The following COA1 variants were observed in gnomAD, a reference collection of about 807,000 sequenced individuals.
COA1 encodes cytochrome c oxidase assembly factor 1, also known as cytochrome c oxidase assembly factor 1 homolog.
In COA1, 13 loss-of-function variants were observed where a neutral mutation model predicts 16.0. The ratio of observed to expected loss-of-function variants is 0.81; its 90% CI spans 0.53 to 1.29. The LOEUF is 1.29. Among genes scored for constraint, COA1 ranks in the 50% most tolerant of loss-of-function variants. The probability of loss-of-function intolerance (pLI) is 0.00; values close to 1 mark genes in which losing one functional copy is unlikely to be tolerated. For synonymous variants in COA1, 65 were observed against 65.7 expected (o/e 0.99, Z 0.05); for missense variants, 179 against 177.0 (o/e 1.01, Z -0.06).
intron 1 of COA1, among the ~76,000 whole-genome samples, chr7:43,702,345 T>G (rs1439166252): frequency 6.6e-6 from 1 of 152,180 alleles, no homozygotes; most frequent in Non-Finnish European, 1.5e-5. Flanking sequence ...ATCTATTGAA[T>G]AGGGGACTCT....
chr7:43,675,079 T>C (rs2093449006), intron 1 of COA1, among the ~76,000 whole-genome samples: 1 of 152,178 alleles, frequency 6.6e-6, no homozygotes, highest in African/African-American at 2.4e-5. Context: ...TGTCAGGCTA[T>C]AGAATAAATA....
intron 5 of COA1, 113 bp downstream of exon 5, chr7:43,640,460 A>C (rs896753178): frequency 4.9e-6 from 4 of 821,388 alleles, no homozygotes; most frequent in Non-Finnish European, 7.9e-6. Context: ...AGCTTGAAAA[A>C]TAATTCTTCC....
chr7:43,630,334 T>C (rs2085049125), intron 6 of COA1, among the ~76,000 whole-genome samples: 1 of 152,234 alleles, frequency 6.6e-6, no homozygotes, highest in Non-Finnish European at 1.5e-5. Context: ...GTGGAGATTT[T>C]ATTTACTAAA....
intron 1 of COA1, among the ~76,000 whole-genome samples, chr7:43,691,322 A>AG: frequency 9.3e-6 from 1 of 107,980 alleles, no homozygotes; most frequent in Non-Finnish European, 2.0e-5. Context: ...AGAAAGAAAG[A>AG]AAGAAAGAGA....
At chr7:43,674,044 G>C (rs1260000670) in intron 1 of COA1, among the ~76,000 whole-genome samples, 1 of 152,192 alleles carries the variant, frequency 6.6e-6, no homozygotes, top group East Asian at 1.9e-4. Flanking sequence ...CTACCTATCA[G>C]GTTCTATGCT....
chr7:43,619,626 T>G, intron 6 of COA1: 1 of 1,614,012 alleles, frequency 6.2e-7, no homozygotes, highest in Non-Finnish European at 8.5e-7. Context: ...CAAGTGAATC[T>G]CCATTGGGTG....
At chr7:43,630,830 C>G (rs1443616051) in intron 6 of COA1, among the ~76,000 whole-genome samples, 1 of 152,202 alleles carries the variant, frequency 6.6e-6, no homozygotes, top group East Asian at 1.9e-4. Flanking sequence ...ATATAAAGAT[C>G]TGTTGATATC....
intron 6 of COA1, among the ~76,000 whole-genome samples, chr7:43,612,373 C>G (rs1209900901): frequency 6.6e-6 from 1 of 152,178 alleles, no homozygotes; most frequent in Non-Finnish European, 1.5e-5. Flanking sequence ...TTCCAATTGG[C>G]CTCTGTGAGT....
chr7:43,668,333 T>C (rs1481481571), intron 1 of COA1, among the ~76,000 whole-genome samples: 2 of 152,234 alleles, frequency 1.3e-5, no homozygotes, highest in Non-Finnish European at 2.9e-5. Flanking sequence ...TTTAAAGGTC[T>C]TATCTGAGAT....
chr7:43,725,303 A>C (rs1389546237), intron 1 of COA1, among the ~76,000 whole-genome samples: 1 of 152,226 alleles, frequency 6.6e-6, no homozygotes, highest in African/African-American at 2.4e-5. Flanking sequence ...TTACACAACA[A>C]TGTTAAAGTA....
At chr7:43,675,611 TA>T (rs1002653217) in intron 1 of COA1, among the ~76,000 whole-genome samples, 8 of 151,908 alleles carry the variant, frequency 5.3e-5, no homozygotes, top group Non-Finnish European at 1.0e-4. Flanking sequence ...AATAATAAAA[TA>T]AAAAAAGAGT....
Position 43,728,535 on chromosome 7 carries a change from G to A in COA1, c.-39+894C>T, listed in dbSNP as rs139582276. Among the ~76,000 whole-genome samples the A allele has an allele frequency of 5.4e-4, 82 of 152,280 alleles. 1 individual carries two copies. In the East Asian group the frequency reaches 5.8e-3, roughly 11 times the overall value. Reference sequence around the variant, plus strand: ...GGCATGGTGGGAGCATAATATGAGTGTACCTGCAGGTGTGTTTTCCATGAA... The same window carrying A: ...GGCATGGTGGGAGCATAATATGAGTATACCTGCAGGTGTGTTTTCCATGAA... On this transcript the variant is annotated intron_variant, in intron 1 of 5. Transcript: ENST00000223336.
At chr7:43,644,539 T>A (rs897133131) in intron 4 of COA1, among the ~76,000 whole-genome samples, 1 of 152,102 alleles carries the variant, frequency 6.6e-6, no homozygotes, top group African/African-American at 2.4e-5. Context: ...CTTTTTTTTT[T>A]AATTTTACAG....
At chr7:43,699,597 G>A (rs981953208) in intron 1 of COA1, among the ~76,000 whole-genome samples, 1 of 152,162 alleles carries the variant, frequency 6.6e-6, no homozygotes, top group African/African-American at 2.4e-5. Context: ...AGAAGCAAAT[G>A]TAAAACAATT....
intron 1 of COA1, among the ~76,000 whole-genome samples, chr7:43,659,799 A>G (rs955992442): frequency 3.3e-5 from 5 of 152,238 alleles, no homozygotes; most frequent in African/African-American, 1.2e-4. Flanking sequence ...TAGGGGCTGA[A>G]TTGTGTCCTC....
intron 1 of COA1, among the ~76,000 whole-genome samples, chr7:43,724,960 C>A (rs962725929): frequency 2.6e-5 from 4 of 152,186 alleles, no homozygotes; most frequent in Non-Finnish European, 5.9e-5. Context: ...TGCTCTGGGT[C>A]GGGCGCAGTG....
At chr7:43,615,373 C>T (rs571760131) in intron 6 of COA1, among the ~76,000 whole-genome samples, 1 of 152,112 alleles carries the variant, frequency 6.6e-6, no homozygotes, top group South Asian at 2.1e-4. Context: ...GACAGGTTTT[C>T]ATCATGTTGC....
At chr7:43,706,664 T>C (rs969535028) in intron 1 of COA1, among the ~76,000 whole-genome samples, 21 of 150,478 alleles carry the variant, frequency 1.4e-4, no homozygotes, top group Non-Finnish European at 3.0e-4. Flanking sequence ...AGCCCAGGAG[T>C]TTAAAATCAG....
rs142644587 is a variant in COA1 at position 43,700,529 on chromosome 7, G to GATATATAT, written c.-39+28892_-39+28899dup. Among the ~76,000 whole-genome samples the GATATATAT allele has an allele frequency of 2.5e-3, 350 of 142,684 alleles. 1 individual carries two copies. The highest frequency in any genetic ancestry group is 8.6e-3 in the African/African-American group (331 of 38,604). The allele number at this position is 142,684 out of a possible 152,430, so 93.6% of individuals were successfully genotyped here. ...ATCAGCTTTTATAAAAATGTAGGCA[G>GATATATAT]ATATATATATATATATATACATACA... On this transcript the variant is annotated intron_variant, in intron 1 of 5. Transcript: ENST00000223336.
Sources: gnomAD v4.1 joint callset for allele counts (sites outside exome capture counted in the v4.1 genomes callset) on GRCh38, gnomAD v4.1.1 for gene constraint, MANE v1.5 for transcripts, NCBI Gene and HGNC (gene_info 2026-07-23, HGNC 2026-07-21) for gene names.